PWP1: variants seen among roughly 807,000 people sequenced by gnomAD.
The protein encoded by PWP1 is PWP1 homolog, endonuclein, also known as periodic tryptophan protein 1 homolog.
Under a neutral mutation model 69.9 loss-of-function variants are expected in PWP1, and 47 were observed. That is an observed-to-expected ratio of 0.67 (90% CI 0.53 to 0.86). The LOEUF is 0.86. Among genes scored for constraint, PWP1 ranks in the 40% least tolerant of loss-of-function variants. PWP1 has a pLI of 0.00. For synonymous variants in PWP1, 222 were observed against 208.2 expected (o/e 1.07, Z -0.57); for missense variants, 551 against 608.8 (o/e 0.91, Z 1.00).
In PWP1 at chr12:107,704,699, G is replaced by A; in HGVS notation, c.1029G>A (p.Gly343=). ...DESHRMWRFS[G]QIERVTWNHF... ...GCCATCGAATGTGGCGATTCAGTGGGCAGATAGAGAGAGTGACTTGGAATC... is the reference window on the plus strand; with the variant it reads ...GCCATCGAATGTGGCGATTCAGTGGACAGATAGAGAGAGTGACTTGGAATC... Residue 343 remains glycine, a synonymous_variant, in exon 11 of 15, where the codon GGG becomes GGA. Transcript: ENST00000412830. 6.2e-7 allele frequency: 1 copy of A among 1,614,006 alleles called. No homozygotes were observed. The highest frequency in any genetic ancestry group is 8.5e-7 in the Non-Finnish European group (1 of 1,179,912).
rs202155195 is a variant in PWP1 at position 107,709,082 on chromosome 12, C to G, written c.1169-29C>G. Reference sequence around the variant, plus strand: ...GATGAAGTAAATCTGTATTTCAAAGCGAAAGTGTCTAAACTTATCTTCCTT... The same window carrying G: ...GATGAAGTAAATCTGTATTTCAAAGGGAAAGTGTCTAAACTTATCTTCCTT... On this transcript the variant is annotated intron_variant, in intron 12 of 14. Coordinates refer to ENST00000412830, the MANE Select transcript of PWP1 (RefSeq NM_007062.3). 3.7e-6 allele frequency: 6 copies of G among 1,613,642 alleles called. 1 individual carries two copies. The highest frequency in any genetic ancestry group is 3.3e-5 in the Admixed American group (2 of 59,936).
At chr12:107,688,040 A>C in intron 1 of PWP1, among the ~76,000 whole-genome samples, 1 of 146,142 alleles carries the variant, frequency 6.8e-6, no homozygotes, top group South Asian at 2.2e-4. Flanking sequence ...CAAAAAAAAA[A>C]AAAAAAAAAA....
chr12:107,688,463 G>C lies in PWP1; in HGVS notation c.88G>C (p.Glu30Gln). ...ETPDKVELSK[E>Q]EVKRLIAEAK... is the part of the protein sequence containing the mutation. ...TCTCTTACAGGTAGAGCTGAGTAAA[G>C]AAGAAGTAAAACGCCTCATTGCTGA... is the stretch of plus-strand genomic sequence containing the variant. Residue 30 changes from glutamate (E) to glutamine (Q), a missense_variant, in exon 2 of 15, where the codon GAA becomes CAA. By Grantham distance (29) the Glu-to-Gln change is conservative. Coordinates refer to ENST00000412830, the MANE Select transcript of PWP1 (RefSeq NM_007062.3). 1 of 1,613,832 alleles carries C rather than the reference G, an allele frequency of 6.2e-7. No individual in the cohort carries two copies. Among genetic ancestry groups the C allele is most frequent in the Non-Finnish European group, 8.5e-7 (1 of 1,179,892 alleles).
At position 107,710,462 on chromosome 12, in the gene PWP1, G is replaced by A. The variant is rs139258450; in HGVS notation, c.1348G>A (p.Gly450Ser). Reference protein sequence around the residue: ...PDLPFIYAFGGQKEGLRVWDI... With the variant: ...PDLPFIYAFGSQKEGLRVWDI... ...TTTGCCATTTATTTATGCCTTTGGA[G>A]GTCAAAAAGAAGGGCTTCGGGTCTG... The change falls in exon 14 of 15, where the codon GGT (glycine) becomes AGT (serine). Residue 450 changes from glycine to serine, a missense_variant. Coordinates refer to ENST00000412830, the MANE Select transcript of PWP1 (RefSeq NM_007062.3). 71 of 1,607,278 alleles carry A rather than the reference G, an allele frequency of 4.4e-5. No homozygotes were observed. Among genetic ancestry groups the A allele is most frequent in the Non-Finnish European group, 5.8e-5 (68 of 1,176,048 alleles).
At chr12:107,688,937 A>G in intron 3 of PWP1, 135 bp downstream of exon 3, 1 of 883,892 alleles carries the variant, frequency 1.1e-6, no homozygotes, top group Non-Finnish European at 1.7e-6. Context: ...AGACTTGGGC[A>G]GACAGCATGA....
intron 3 of PWP1, among the ~76,000 whole-genome samples, chr12:107,691,876 A>G (rs549837168): frequency 1.3e-5 from 2 of 152,304 alleles, no homozygotes; most frequent in African/African-American, 4.8e-5. Context: ...GAAAGGAATC[A>G]TTACCTCCAT....
chr12:107,697,973 T>C (rs1889625572), intron 7 of PWP1, among the ~76,000 whole-genome samples: 1 of 152,230 alleles, frequency 6.6e-6, no homozygotes, highest in Non-Finnish European at 1.5e-5. Context: ...ATTCTAATTA[T>C]CCATGTATTA....
At chr12:107,708,514 C>A (rs1303316475) in intron 11 of PWP1, among the ~76,000 whole-genome samples, 1 of 152,190 alleles carries the variant, frequency 6.6e-6, no homozygotes, top group African/African-American at 2.4e-5. Flanking sequence ...CTCTGCCACA[C>A]TGGTCGATTT....
At chr12:107,697,816 C>A in intron 7 of PWP1, 1 of 585,274 alleles carries the variant, frequency 1.7e-6, no homozygotes, top group South Asian at 1.5e-5. Context: ...TTCTTTCTTA[C>A]ACAAAACTAG....
chr12:107,685,912 C>G lies in PWP1; in HGVS notation c.13C>G (p.Arg5Gly). 6.2e-7 allele frequency: 1 copy of G among 1,613,850 alleles called. No homozygotes were observed. Among genetic ancestry groups the G allele is most frequent in the Non-Finnish European group, 8.5e-7 (1 of 1,179,962 alleles). ...TGACTTGAGGACCATGAACCGCAGC[C>G]GCCAGGTGACGTGCGTGGCCTGGGT... MNRS[R>G]QVTCVAWVRC... The change falls in exon 1 of 15, where the codon CGC (arginine) becomes GGC (glycine). Residue 5 changes from arginine (R) to glycine (G), a missense_variant. By Grantham distance (125) the Arg-to-Gly change is moderately radical. Coordinates refer to ENST00000412830, the MANE Select transcript of PWP1 (RefSeq NM_007062.3).
intron 8 of PWP1, 55 bp downstream of exon 8, chr12:107,699,489 A>C: frequency 7.3e-7 from 1 of 1,373,946 alleles, no homozygotes; most frequent in Non-Finnish European, 1.0e-6. Flanking sequence ...TTGTGATCTT[A>C]CCTCATGCCT....
intron 13 of PWP1, among the ~76,000 whole-genome samples, chr12:107,709,510 C>CTTTTT (rs751083294): frequency 7.6e-6 from 1 of 131,384 alleles, no homozygotes. Context: ...GAAATGGCTG[C>CTTTTT]TTTTTTTTTT....
intron 1 of PWP1, chr12:107,686,256 GGCT>G (rs1247414235): frequency 1.5e-5 from 8 of 519,802 alleles, no homozygotes; most frequent in Admixed American, 6.3e-5. Flanking sequence ...GAAAGGGGTG[GGCT>G]GCTGTTTTTG....
Position 107,702,915 on chromosome 12 carries a change from T to A in PWP1, c.807-20T>A, listed in dbSNP as rs1387746860. ...CTTGACTTTTAAAAGATTACCTGATTGGATTCTTCCCTTTCTCAGAAATGT... is the reference window on the plus strand; with the variant it reads ...CTTGACTTTTAAAAGATTACCTGATAGGATTCTTCCCTTTCTCAGAAATGT... On this transcript the variant is annotated intron_variant, in intron 8 of 14. Transcript: ENST00000412830. 1 of 1,483,576 alleles carries A rather than the reference T, an allele frequency of 6.7e-7. No homozygotes were observed. The highest frequency in any genetic ancestry group is 9.4e-7 in the Non-Finnish European group (1 of 1,061,860). 91.9% of individuals were successfully genotyped at this position (1,483,576 alleles called of 1,614,324 possible).
chr12:107,688,095 G>C (rs1207235294), intron 1 of PWP1, among the ~76,000 whole-genome samples: 1 of 143,716 alleles, frequency 7.0e-6, no homozygotes, highest in Non-Finnish European at 1.5e-5. Flanking sequence ...ATTTGTTAAG[G>C]AATGCCCACA....
rs1033494152 is a variant in PWP1 at position 107,712,658 on chromosome 12, T to C, written c.*438T>C. ...AAGTGCCCCAGAGACTCCACTTTCA[T>C]TCCTAACTGTTCTCAAATTAATGCT... On this transcript the variant is annotated 3_prime_UTR_variant, in exon 15 of 15. Transcript: ENST00000412830. 3 of 153,648 alleles carry C rather than the reference T, an allele frequency of 2.0e-5. No homozygotes were observed. Among genetic ancestry groups the C allele is most frequent in the African/African-American group, 7.2e-5 (3 of 41,470 alleles). 9.5% of individuals were successfully genotyped at this position (153,648 alleles called of 1,614,324 possible).
At chr12:107,697,857 A>G in intron 7 of PWP1, 2 of 508,692 alleles carry the variant, frequency 3.9e-6, no homozygotes, top group Non-Finnish European at 7.6e-6. Context: ...ATGAATAGCT[A>G]CTATAGATGA....
At chr12:107,697,357 G>C in intron 6 of PWP1, 110 bp from the exon 7 acceptor site, 1 of 1,112,460 alleles carries the variant, frequency 9.0e-7, no homozygotes, top group Non-Finnish European at 1.2e-6. Flanking sequence ...ATAAGTTTGA[G>C]AAGCACTGCT....
intron 5 of PWP1, among the ~76,000 whole-genome samples, chr12:107,695,400 C>T (rs1889563284): frequency 6.6e-6 from 1 of 152,166 alleles, no homozygotes; most frequent in Non-Finnish European, 1.5e-5. Context: ...TAGAGCATTA[C>T]ACAAATCTGC....
Sources: allele counts gnomAD v4.1 joint callset (sites outside exome capture counted in the v4.1 genomes callset), GRCh38; gene constraint gnomAD v4.1.1; transcripts MANE v1.5; gene names NCBI Gene and HGNC (gene_info 2026-07-23, HGNC 2026-07-21).